Variants in CFAP91 observed in about 807,000 individuals in gnomAD.
CFAP91 encodes cilia and flagella associated protein 91.
In CFAP91, 85 loss-of-function variants were observed where a neutral mutation model predicts 95.9. That is an observed-to-expected ratio of 0.89 (90% CI 0.74 to 1.06). The LOEUF (loss-of-function observed/expected upper bound fraction) is 1.06, where lower values mean the gene tolerates loss of function less well. Among genes scored for constraint, CFAP91 ranks in the 50% least tolerant of loss-of-function variants. CFAP91 has a pLI of 0.00. For synonymous variants in CFAP91, 335 were observed against 327.5 expected, an observed-to-expected ratio of 1.02 and a Z score of -0.25; for missense variants, 962 against 943.4, an observed-to-expected ratio of 1.02 and a Z score of -0.26.
intron 10 of CFAP91, 144 bp from the exon 11 acceptor site, chr3:119,737,222 A>G (rs1353804316): frequency 5.2e-6 from 3 of 574,534 alleles, no homozygotes; most frequent in African/African-American, 3.8e-5. Flanking sequence ...AGGGTACAAT[A>G]TACATTATTC....
At chr3:119,739,559 A>C (rs1215406153) in intron 12 of CFAP91, among the ~76,000 whole-genome samples, 3 of 151,828 alleles carry the variant, frequency 2.0e-5, no homozygotes, top group African/African-American at 4.8e-5. Flanking sequence ...CCTACCTGCT[A>C]TTTGCCATGG....
At chr3:119,706,738 C>T in intron 1 of CFAP91, 71 bp from the exon 2 acceptor site, 2 of 1,140,834 alleles carry the variant, frequency 1.8e-6, no homozygotes, top group Non-Finnish European at 2.6e-6. Context: ...GATTACATTA[C>T]TTTGCCATTA....
intron 17 of CFAP91, among the ~76,000 whole-genome samples, chr3:119,762,949 A>G (rs2054564517): frequency 6.6e-6 from 1 of 152,136 alleles, no homozygotes; most frequent in South Asian, 2.1e-4. Context: ...CACAGGCAAC[A>G]AAAGTGAAAA....
chr3:119,760,304 G>C (rs2054513669), intron 17 of CFAP91, among the ~76,000 whole-genome samples: 1 of 151,798 alleles, frequency 6.6e-6, no homozygotes, highest in African/African-American at 2.4e-5. Context: ...TCATTGTGTG[G>C]TGATAAAGGG....
chr3:119,706,025 G>A (rs953758047), intron 1 of CFAP91: 1 of 152,218 alleles, frequency 6.6e-6, no homozygotes, highest in African/African-American at 2.4e-5. Context: ...GGAGAAATAT[G>A]TGTTACCATG....
At chr3:119,707,906 C>A (rs576503510) in intron 3 of CFAP91, among the ~76,000 whole-genome samples, 1 of 151,894 alleles carries the variant, frequency 6.6e-6, no homozygotes, top group Non-Finnish European at 1.5e-5. Context: ...AAGAATAAGT[C>A]GAATTCTTTA....
chr3:119,764,998 A>G (rs534233975), intron 17 of CFAP91, 54 bp from the exon 18 acceptor site: 5 of 152,294 alleles, frequency 3.3e-5, no homozygotes, highest in African/African-American at 1.2e-4. Flanking sequence ...TTGATCTGAT[A>G]ATGTTTCTAA....
intron 8 of CFAP91, among the ~76,000 whole-genome samples, chr3:119,730,601 AGTGTGTGTGTGT>A (rs60453079): frequency 0.054 from 7,378 of 137,158 alleles, 488 homozygotes; most frequent in African/African-American, 0.16. Context: ...TTACTGAGAT[AGTGTGTGTGTGT>A]GTGTGTGTGT....
intron 17 of CFAP91, among the ~76,000 whole-genome samples, chr3:119,754,063 C>G (rs1195122762): frequency 6.6e-6 from 1 of 152,164 alleles, no homozygotes; most frequent in Non-Finnish European, 1.5e-5. Context: ...GTGGGAGTGG[C>G]CTTGCCACTG....
intron 17 of CFAP91, among the ~76,000 whole-genome samples, chr3:119,756,598 A>G (rs1027804759): frequency 2.6e-5 from 4 of 152,214 alleles, no homozygotes; most frequent in African/African-American, 9.6e-5. Context: ...CAAAAGAGTA[A>G]TATATAAGTC....
At chr3:119,709,965 G>A (rs903714668) in intron 5 of CFAP91, 70 bp downstream of exon 5, 1 of 1,196,818 alleles carries the variant, frequency 8.4e-7, no homozygotes, top group Admixed American at 1.8e-5. Flanking sequence ...TTTCTTAGAA[G>A]ATAGTTCACT....
At chr3:119,743,791 G>T (rs552520509) in intron 13 of CFAP91, among the ~76,000 whole-genome samples, 184 bp from the exon 14 acceptor site, 12 of 152,170 alleles carry the variant, frequency 7.9e-5, no homozygotes, top group African/African-American at 2.4e-4. Context: ...CGACTTTCTC[G>T]TGCCTCAGTT....
At chr3:119,721,145 TTA>T (rs1434492024) in intron 6 of CFAP91, among the ~76,000 whole-genome samples, 1 of 152,212 alleles carries the variant, frequency 6.6e-6, no homozygotes, top group East Asian at 1.9e-4. Context: ...AAAGAGTGAC[TTA>T]TAACCAGATG....
chr3:119,710,296 A>G, intron 5 of CFAP91: 1 of 166,016 alleles, frequency 6.0e-6, no homozygotes, highest in Non-Finnish European at 1.3e-5. Context: ...TGGGCAGTCC[A>G]AGAAGCAAGG....
intron 8 of CFAP91, among the ~76,000 whole-genome samples, chr3:119,730,650 G>GTGTGTGTGTGTGT (rs1559757211): frequency 2.1e-5 from 3 of 141,578 alleles, no homozygotes; most frequent in East Asian, 4.3e-4. Flanking sequence ...GTGTGTGTGT[G>GTGTGTGTGTGTGT]GTGGGATAAG....
chr3:119,729,122 C>A (rs1027970334), intron 7 of CFAP91, among the ~76,000 whole-genome samples: 1 of 152,032 alleles, frequency 6.6e-6, no homozygotes, highest in African/African-American at 2.4e-5. Context: ...CTGGGTGGAG[C>A]AAAGATTAGA....
At chr3:119,749,760 A>G (rs1197674028) in intron 16 of CFAP91, among the ~76,000 whole-genome samples, 1 of 152,206 alleles carries the variant, frequency 6.6e-6, no homozygotes. Flanking sequence ...TATTATATAT[A>G]CACTCTTTAC....
chr3:119,722,234 T>C (rs1451441829), intron 6 of CFAP91, among the ~76,000 whole-genome samples: 1 of 150,148 alleles, frequency 6.7e-6, no homozygotes, highest in Non-Finnish European at 1.5e-5. Context: ...AGAAAAATTA[T>C]TTAGCTGAGG....
Position 119,765,266 on chromosome 3 carries a change from C to G in CFAP91, c.*216C>G, listed in dbSNP as rs2054607980. 1 of 151,968 alleles carries G rather than the reference C, an allele frequency of 6.6e-6. No homozygotes were observed. Among genetic ancestry groups the G allele is most frequent in the African/African-American group, 2.4e-5 (1 of 41,378 alleles). 9.4% of individuals were successfully genotyped at this position (151,968 alleles called of 1,614,324 possible). ...ATTCTCTTCAGTGTCTTCTAGATGCCCTACTTAAAGAGAACATTTTCTTAT... is the reference window on the plus strand; with the variant it reads ...ATTCTCTTCAGTGTCTTCTAGATGCGCTACTTAAAGAGAACATTTTCTTAT... On this transcript the variant is annotated 3_prime_UTR_variant, in exon 18 of 18. Coordinates refer to ENST00000273390, the MANE Select transcript of CFAP91 (RefSeq NM_033364.4).
Sources: gnomAD v4.1 joint callset for allele counts (sites outside exome capture counted in the v4.1 genomes callset) on GRCh38, gnomAD v4.1.1 for gene constraint, MANE v1.5 for transcripts, NCBI Gene and HGNC (gene_info 2026-07-23, HGNC 2026-07-21) for gene names.